The following TACC2 variants were observed in gnomAD, a reference collection of about 807,000 sequenced individuals.
TACC2 encodes the protein transforming acidic coiled-coil-containing protein 2.
TACC2 carries 137 observed loss-of-function variants against 227.3 expected under a neutral mutation model. That is an observed-to-expected ratio of 0.60 (90% CI 0.52 to 0.69). The LOEUF (loss-of-function observed/expected upper bound fraction) is 0.69, where lower values mean the gene tolerates loss of function less well. Among genes scored for constraint, TACC2 ranks in the 30% least tolerant of loss-of-function variants. The pLI is 0.00. For synonymous variants in TACC2, 1,523 were observed against 1,487.5 expected, an observed-to-expected ratio of 1.02 and a Z score of -0.55; for missense variants, 3,470 against 3,694.4, an observed-to-expected ratio of 0.94 and a Z score of 1.57.
chr10:122,024,037 T>G (rs1030784997), intron 2 of TACC2, among the ~76,000 whole-genome samples: 2 of 152,208 alleles, frequency 1.3e-5, no homozygotes, highest in Non-Finnish European at 2.9e-5. Flanking sequence ...AACTTATTAT[T>G]TTGAGATATT....
chr10:122,057,938 A>G (rs2076375695), intron 3 of TACC2, among the ~76,000 whole-genome samples: 1 of 152,196 alleles, frequency 6.6e-6, no homozygotes, highest in Non-Finnish European at 1.5e-5. Flanking sequence ...CTAAGGGTTC[A>G]ACAGAAACAA....
intron 3 of TACC2, among the ~76,000 whole-genome samples, chr10:122,053,095 G>A (rs1565167738): frequency 6.6e-6 from 1 of 152,178 alleles, no homozygotes; most frequent in Non-Finnish European, 1.5e-5. Flanking sequence ...TATGCCAAGT[G>A]TATTAGTCCG....
chr10:122,231,718 G>A (rs2095754095), intron 16 of TACC2, among the ~76,000 whole-genome samples: 1 of 152,228 alleles, frequency 6.6e-6, no homozygotes, highest in Admixed American at 6.5e-5. Context: ...GTACACACCT[G>A]TAGTTCCAGC....
At chr10:122,053,769 TG>T (rs1418904229) in intron 3 of TACC2, among the ~76,000 whole-genome samples, 1 of 152,180 alleles carries the variant, frequency 6.6e-6, no homozygotes, top group African/African-American at 2.4e-5. Context: ...TCAGGCGCAT[TG>T]GCCTTGAGGC....
At chr10:122,008,000 C>T (rs972190531) in intron 1 of TACC2, among the ~76,000 whole-genome samples, 1 of 152,164 alleles carries the variant, frequency 6.6e-6, no homozygotes, top group Non-Finnish European at 1.5e-5. Flanking sequence ...AGTCCTCCCA[C>T]CAGCAAGAAA....
intron 22 of TACC2, among the ~76,000 whole-genome samples, chr10:122,250,756 A>G (rs891261383): frequency 2.6e-5 from 4 of 152,068 alleles, no homozygotes; most frequent in Non-Finnish European, 4.4e-5. Context: ...TCTAGGTTCC[A>G]TCTAGCCCTG....
chr10:122,253,030 G>C (rs1014419744), intron 22 of TACC2, among the ~76,000 whole-genome samples: 1 of 152,196 alleles, frequency 6.6e-6, no homozygotes, highest in Non-Finnish European at 1.5e-5. Context: ...ACACAATGAT[G>C]AATGACACCA....
intron 5 of TACC2, chr10:122,127,272 G>A (rs1259867390): frequency 6.6e-6 from 1 of 152,632 alleles, no homozygotes; most frequent in Non-Finnish European, 1.5e-5. Context: ...CGGGCTTGAT[G>A]AGCCTGTCAC....
At chr10:122,088,396 A>C in intron 4 of TACC2, 82 bp from the exon 5 acceptor site, 6 of 1,316,300 alleles carry the variant, frequency 4.6e-6, no homozygotes, top group Non-Finnish European at 6.1e-6. Flanking sequence ...TTAATTGAGA[A>C]ATCTGCTTTT....
chr10:122,091,748 T>C (rs2080847952), intron 5 of TACC2, among the ~76,000 whole-genome samples: 1 of 152,110 alleles, frequency 6.6e-6, no homozygotes, highest in Non-Finnish European at 1.5e-5. Flanking sequence ...CCAGGGGCTG[T>C]ACTTCCTAGG....
At chr10:122,136,807 GCC>G (rs1246407363) in intron 6 of TACC2, among the ~76,000 whole-genome samples, 1 of 151,966 alleles carries the variant, frequency 6.6e-6, no homozygotes, top group Non-Finnish European at 1.5e-5. Flanking sequence ...GCCTGCCTTG[GCC>G]TCCCAAAGTG....
In TACC2 at chr10:122,072,846, C is replaced by T. The variant is rs550344716; in HGVS notation, c.147-9801C>T. ...AAATATAAATGAGGGCCGGGCGTGG[C>T]GGCTCACGCGTAATCCCAGCACTTT... On this transcript the variant is annotated intron_variant, in intron 3 of 22. Coordinates refer to ENST00000369005, the MANE Select transcript of TACC2 (RefSeq NM_206862.4). Among the ~76,000 whole-genome samples the T allele has an allele frequency of 2.1e-4, 32 of 151,998 alleles. No individual in the cohort carries two copies. In the South Asian group the frequency reaches 5.4e-3, roughly 26 times the overall value.
intron 7 of TACC2, among the ~76,000 whole-genome samples, chr10:122,176,117 C>CTCTCTATATATATATATA (rs1447382017): frequency 1.8e-5 from 1 of 54,636 alleles, no homozygotes. Flanking sequence ...CTCTCTCTCT[C>CTCTCTATATATATATATA]TATATATATA....
At chr10:122,018,395 G>A (rs4751862) in intron 1 of TACC2, among the ~76,000 whole-genome samples, 9,900 of 152,194 alleles carry the variant, frequency 0.065, 439 homozygotes, top group African/African-American at 0.12. Flanking sequence ...AACTTCGGGT[G>A]AAATTCACCT....
intron 7 of TACC2, among the ~76,000 whole-genome samples, chr10:122,188,278 A>T (rs1408400850): frequency 6.6e-6 from 1 of 151,626 alleles, no homozygotes. Flanking sequence ...TAGTTTATTT[A>T]TTTATTTATT....
intron 1 of TACC2, among the ~76,000 whole-genome samples, chr10:121,992,466 T>C (rs1953066178): frequency 6.6e-6 from 1 of 152,222 alleles, no homozygotes; most frequent in South Asian, 2.1e-4. Flanking sequence ...CAAGAAAAGT[T>C]ATAAAATGTA....
At chr10:122,090,162 G>A (rs1335334636) in intron 5 of TACC2, among the ~76,000 whole-genome samples, 3 of 152,010 alleles carry the variant, frequency 2.0e-5, no homozygotes, top group African/African-American at 7.2e-5. Flanking sequence ...ATGACTTGTT[G>A]TTTTAATCAC....
At chr10:122,190,733 AG>A (rs1338071104) in intron 7 of TACC2, among the ~76,000 whole-genome samples, 1 of 152,150 alleles carries the variant, frequency 6.6e-6, no homozygotes, top group African/African-American at 2.4e-5. Context: ...GGTGCATCTC[AG>A]GACTCTTCCC....
rs539947923 is a variant in TACC2 at position 122,077,784 on chromosome 10, G to A, written c.147-4863G>A. On this transcript the variant is annotated intron_variant, in intron 3 of 22. Coordinates refer to ENST00000369005, the MANE Select transcript of TACC2 (RefSeq NM_206862.4). ...GCCACAGGGCTCAATCTTGCTTTGC[G>A]TTACCGGCTCTTTGACCCTGGGTCC... Among the ~76,000 whole-genome samples, 409 of 152,334 alleles carry A rather than the reference G, an allele frequency of 2.7e-3. 1 individual carries two copies. Among genetic ancestry groups the A allele is most frequent in the Middle Eastern group, 6.8e-3 (2 of 294 alleles).
Sources: allele counts gnomAD v4.1 joint callset (sites outside exome capture counted in the v4.1 genomes callset), GRCh38; gene constraint gnomAD v4.1.1; transcripts MANE v1.5; gene names NCBI Gene and HGNC (gene_info 2026-07-23, HGNC 2026-07-21).